Variants in TMEM132D observed in about 807,000 individuals in gnomAD.
TMEM132D encodes the protein transmembrane protein 132D, also known as mature OL transmembrane protein.
In TMEM132D, 21 loss-of-function variants were observed where a neutral mutation model predicts 62.3. The observed-to-expected ratio is 0.34, with a 90% confidence interval of 0.24 to 0.49. The LOEUF is 0.49. Among genes scored for constraint, TMEM132D ranks in the 20% least tolerant of loss-of-function variants. The pLI, the probability that TMEM132D is intolerant of heterozygous loss-of-function variation, is 0.99. For synonymous variants in TMEM132D, 621 were observed against 575.6 expected, an observed-to-expected ratio of 1.08 and a Z score of -1.13; for missense variants, 1,346 against 1,402.8, an observed-to-expected ratio of 0.96 and a Z score of 0.65.
intron 4 of TMEM132D, among the ~76,000 whole-genome samples, chr12:129,286,092 A>G (rs1208151095): frequency 6.6e-6 from 1 of 152,232 alleles, no homozygotes; most frequent in Non-Finnish European, 1.5e-5. Context: ...TCAGTGTCCA[A>G]TTCTGGAAAG....
intron 2 of TMEM132D, among the ~76,000 whole-genome samples, chr12:129,584,101 G>C (rs1877951537): frequency 6.6e-6 from 1 of 151,944 alleles, no homozygotes; most frequent in Non-Finnish European, 1.5e-5. Context: ...ATAAATAGTT[G>C]GTCACAATTC....
At chr12:129,719,747 C>T (rs1014742002) in intron 1 of TMEM132D, among the ~76,000 whole-genome samples, 15 of 152,230 alleles carry the variant, frequency 9.9e-5, no homozygotes, top group Non-Finnish European at 2.2e-4. Context: ...TTGCTTTAGA[C>T]AGTAACCATC....
intron 1 of TMEM132D, among the ~76,000 whole-genome samples, chr12:129,812,757 T>C (rs575201725): frequency 6.6e-6 from 1 of 151,866 alleles, no homozygotes; most frequent in East Asian, 2.0e-4. Flanking sequence ...CAATCTCTTT[T>C]CCTGGGCCGT....
intron 1 of TMEM132D, among the ~76,000 whole-genome samples, chr12:129,829,791 T>C (rs748648174): frequency 6.6e-6 from 1 of 152,128 alleles, no homozygotes; most frequent in Non-Finnish European, 1.5e-5. Context: ...TCATCTGAAA[T>C]CATCCAAAGC....
rs374634697 is a variant in TMEM132D at position 129,878,959 on chromosome 12, T to C, written c.79+24302A>G. ...CATCTCCTCCCTCTGCCCTCCAGCC[T>C]AGAGAGGGCAGCAGCTCCCTGTTGT... On this transcript the variant is annotated intron_variant, in intron 1 of 8. Coordinates refer to ENST00000422113, the MANE Select transcript of TMEM132D (RefSeq NM_133448.3). 6.8e-4 allele frequency among the ~76,000 whole-genome samples: 104 copies of C among 152,296 alleles called. 1 individual carries two copies. Among genetic ancestry groups the C allele is most frequent in the African/African-American group, 2.0e-3 (84 of 41,576 alleles).
chr12:129,329,273 A>G (rs901312168), intron 4 of TMEM132D, among the ~76,000 whole-genome samples: 25 of 152,262 alleles, frequency 1.6e-4, no homozygotes, highest in Non-Finnish European at 3.4e-4. Flanking sequence ...CACACAATGC[A>G]AGAAGGTGCT....
At chr12:129,083,063 A>G (rs1874505113) in intron 6 of TMEM132D, among the ~76,000 whole-genome samples, 1 of 152,156 alleles carries the variant, frequency 6.6e-6, no homozygotes, top group Non-Finnish European at 1.5e-5. Flanking sequence ...CTTTGGGGAT[A>G]AGTTTTAAAC....
At chr12:129,413,389 C>T (rs1410027330) in intron 3 of TMEM132D, among the ~76,000 whole-genome samples, 1 of 152,314 alleles carries the variant, frequency 6.6e-6, no homozygotes, top group South Asian at 2.1e-4. Context: ...ATTGTGAGAC[C>T]TCCCCAGCCA....
chr12:129,373,436 T>C (rs1332143748), intron 3 of TMEM132D, among the ~76,000 whole-genome samples: 1 of 151,838 alleles, frequency 6.6e-6, no homozygotes, highest in Non-Finnish European at 1.5e-5. Context: ...ATCAAGACCA[T>C]CCTGGCTAAC....
chr12:129,073,831 A>C lies in TMEM132D; in HGVS notation c.*44T>G, dbSNP rs191406150. 1 of 1,482,764 alleles carries C rather than the reference A, an allele frequency of 6.7e-7. No individual in the cohort carries two copies. Among genetic ancestry groups the C allele is most frequent in the African/African-American group, 1.4e-5 (1 of 71,084 alleles). 91.9% of individuals were successfully genotyped at this position (1,482,764 alleles called of 1,614,324 possible). On this transcript the variant is annotated 3_prime_UTR_variant, in exon 9 of 9. Coordinates refer to ENST00000422113, the MANE Select transcript of TMEM132D (RefSeq NM_133448.3). ...ACCGTTGCTACACATCCTGGAATTA[A>C]AGGCTGAAAGGTGAGTGAGAACCAA...
At chr12:129,807,972 A>G (rs539009537) in intron 1 of TMEM132D, among the ~76,000 whole-genome samples, 1 of 152,326 alleles carries the variant, frequency 6.6e-6, no homozygotes, top group South Asian at 2.1e-4. Context: ...GGGAATTTGC[A>G]TGAGAAAACC....
At chr12:129,097,359 C>T (rs926423321) in intron 5 of TMEM132D, among the ~76,000 whole-genome samples, 19 of 152,224 alleles carry the variant, frequency 1.2e-4, no homozygotes, top group African/African-American at 4.6e-4. Flanking sequence ...TTTTATGACT[C>T]TCTGTTAGAC....
intron 5 of TMEM132D, among the ~76,000 whole-genome samples, chr12:129,195,754 C>T (rs1361602737): frequency 6.6e-6 from 1 of 152,042 alleles, no homozygotes; most frequent in Non-Finnish European, 1.5e-5. Flanking sequence ...GGCCACAGAA[C>T]TAAAAAGCTG....
chr12:129,523,967 G>A (rs1312563991), intron 3 of TMEM132D, among the ~76,000 whole-genome samples: 1 of 152,048 alleles, frequency 6.6e-6, no homozygotes, highest in African/African-American at 2.4e-5. Flanking sequence ...TCCCCACAAT[G>A]TCCAGAAAAT....
At chr12:129,828,434 A>T (rs1872717473) in intron 1 of TMEM132D, among the ~76,000 whole-genome samples, 1 of 151,970 alleles carries the variant, frequency 6.6e-6, no homozygotes, top group African/African-American at 2.4e-5. Flanking sequence ...AACAATTCTG[A>T]TTTATCCATG....
intron 4 of TMEM132D, among the ~76,000 whole-genome samples, chr12:129,252,307 T>C (rs1239117651): frequency 1.3e-5 from 2 of 151,750 alleles, no homozygotes; most frequent in African/African-American, 4.8e-5. Flanking sequence ...AAGCAGAGGA[T>C]TGGGTGTGGG....
intron 2 of TMEM132D, among the ~76,000 whole-genome samples, chr12:129,554,944 G>A (rs145364402): frequency 7.8e-4 from 118 of 152,174 alleles, no homozygotes; most frequent in East Asian, 5.4e-3. Context: ...AGTTCCAGTC[G>A]CTTGCATAAT....
intron 5 of TMEM132D, among the ~76,000 whole-genome samples, chr12:129,099,268 G>A (rs991977026): frequency 6.6e-6 from 1 of 152,122 alleles, no homozygotes; most frequent in African/African-American, 2.4e-5. Context: ...TCAGGTTGGG[G>A]TAACAACTCT....
chr12:129,587,828 A>T (rs1405538459), intron 2 of TMEM132D, among the ~76,000 whole-genome samples: 1 of 152,200 alleles, frequency 6.6e-6, no homozygotes, highest in African/African-American at 2.4e-5. Context: ...CAGGGGGTAT[A>T]TTATTCTCCT....
Sources: allele counts gnomAD v4.1 joint callset (sites outside exome capture counted in the v4.1 genomes callset), GRCh38; gene constraint gnomAD v4.1.1; transcripts MANE v1.5; gene names NCBI Gene and HGNC (gene_info 2026-07-23, HGNC 2026-07-21).